The following MS4A1 variants were observed in gnomAD, a reference collection of about 807,000 sequenced individuals.
MS4A1 encodes membrane spanning 4-domains A1.
A neutral mutation model predicts 26.5 loss-of-function variants in MS4A1; 16 were observed. That is an observed-to-expected ratio of 0.60 (90% CI 0.41 to 0.92). The LOEUF is 0.92. MS4A1 is among the 40% of genes least tolerant of loss of function. MS4A1 has a pLI of 0.00. For synonymous variants in MS4A1, 128 were observed against 117.6 expected, an observed-to-expected ratio of 1.09 and a Z score of -0.57; for missense variants, 350 against 353.0, an observed-to-expected ratio of 0.99 and a Z score of 0.07.
intron 2 of MS4A1, 43 bp from the exon 3 acceptor site, chr11:60,462,142 C>A: frequency 1.6e-6 from 1 of 632,994 alleles, no homozygotes; most frequent in Non-Finnish European, 2.9e-6. Context: ...GACTCCTGGG[C>A]CCACATGCTC....
In MS4A1 at chr11:60,462,205, C is replaced by G; in HGVS notation, c.-170C>G. 1.3e-6 allele frequency: 1 copy of G among 767,214 alleles called. No homozygotes were observed. The highest frequency in any genetic ancestry group is 2.2e-6 in the Non-Finnish European group (1 of 447,270). The allele number at this position is 767,214 out of a possible 1,614,324, so 47.5% of individuals were successfully genotyped here. On this transcript the variant is annotated 5_prime_UTR_variant, in exon 3 of 8. Transcript: ENST00000345732. ...CTCAGAACTCAGCAGTAGGCCTTGCCTCAGATCCAAGGTCACTCGGAAGAG... is the reference window on the plus strand; with the variant it reads ...CTCAGAACTCAGCAGTAGGCCTTGCGTCAGATCCAAGGTCACTCGGAAGAG...
chr11:60,467,126 T>C lies in MS4A1; in HGVS notation c.675+66T>C. ...ATCCACATCCACAAAGGATCATTTA[T>C]GGAGAATGTAATCTGATGAGTTGTT... On this transcript the variant is annotated intron_variant, in intron 7 of 7. Transcript: ENST00000345732. 3.0e-6 allele frequency: 4 copies of C among 1,317,604 alleles called. No individual in the cohort carries two copies. The South Asian group carries it at 4.7e-5, about 16-fold the overall frequency. The allele number at this position is 1,317,604 out of a possible 1,614,324, so 81.6% of individuals were successfully genotyped here. A position where few individuals can be genotyped will look rare whatever the true frequency, so the allele number is the denominator to read the frequency against.
intron 6 of MS4A1, among the ~76,000 whole-genome samples, 199 bp downstream of exon 6, chr11:60,466,356 T>C (rs1359561101): frequency 6.6e-6 from 1 of 152,196 alleles, no homozygotes; most frequent in African/African-American, 2.4e-5. Flanking sequence ...ATTTATCTAA[T>C]AGGGTTGTTC....
intron 2 of MS4A1, among the ~76,000 whole-genome samples, chr11:60,461,923 C>A (rs781021104): frequency 2.0e-5 from 3 of 152,162 alleles, no homozygotes; most frequent in Admixed American, 1.3e-4. Flanking sequence ...TTACCATACT[C>A]TGCAATGTTG....
At position 60,468,823 on chromosome 11, in the gene MS4A1, G is replaced by T; in HGVS notation, c.*355G>T. 1.2e-5 allele frequency: 3 copies of T among 247,334 alleles called. No homozygotes were observed. Among genetic ancestry groups the T allele is most frequent in the Non-Finnish European group, 1.6e-5 (2 of 127,776 alleles). The allele number at this position is 247,334 out of a possible 1,614,324, so 15.3% of individuals were successfully genotyped here. The stretch of plus-strand genomic sequence containing the variant: ...AACAACCAGGGAGACTGCACCTGAT[G>T]GAAAAGATATATGACTGCTTCATGA... On this transcript the variant is annotated 3_prime_UTR_variant, in exon 8 of 8. Coordinates refer to ENST00000345732, the MANE Select transcript of MS4A1 (RefSeq NM_152866.3).
chr11:60,465,108 C>G (rs1043926870), intron 5 of MS4A1, among the ~76,000 whole-genome samples: 3 of 152,194 alleles, frequency 2.0e-5, no homozygotes, highest in African/African-American at 7.2e-5. Flanking sequence ...TTATGAACAT[C>G]AAATTATTCT....
intron 7 of MS4A1, among the ~76,000 whole-genome samples, chr11:60,467,866 C>T (rs994995720): frequency 7.9e-5 from 12 of 152,148 alleles, no homozygotes; most frequent in African/African-American, 2.4e-4. Flanking sequence ...TAGAAATCAT[C>T]GCTAATTACT....
At position 60,468,359 on chromosome 11, in the gene MS4A1, T is replaced by A. The variant is rs2086312971; in HGVS notation, c.785T>A (p.Ile262Asn). 1 of 1,613,886 alleles carries A rather than the reference T, an allele frequency of 6.2e-7. No homozygotes were observed. The highest frequency in any genetic ancestry group is 8.5e-7 in the Non-Finnish European group (1 of 1,179,982). ...TSSQPKNEED[I>N]EIIPIQEEEE... ...TCCCAACCAAAGAATGAAGAAGACATTGAAATTATTCCAATCCAAGAAGAG... is the reference window on the plus strand; with the variant it reads ...TCCCAACCAAAGAATGAAGAAGACAATGAAATTATTCCAATCCAAGAAGAG... The change falls in exon 8 of 8, where the codon ATT becomes AAT. Residue 262 changes from isoleucine to asparagine, a missense_variant. Transcript: ENST00000345732.
rs924840805 is a variant in MS4A1 at position 60,468,560 on chromosome 11, C to A, written c.*92C>A. On this transcript the variant is annotated 3_prime_UTR_variant, in exon 8 of 8. Coordinates refer to ENST00000345732, the MANE Select transcript of MS4A1 (RefSeq NM_152866.3). Reference sequence around the variant, plus strand: ...GACTTTCATTTCTTGAGGTACTCTGCACATACGCACCACATCTCTATCTGG... The same window carrying A: ...GACTTTCATTTCTTGAGGTACTCTGAACATACGCACCACATCTCTATCTGG... 6 of 1,128,340 alleles carry A rather than the reference C, an allele frequency of 5.3e-6. No individual in the cohort carries two copies. Among genetic ancestry groups the A allele is most frequent in the South Asian group, 3.9e-5 (3 of 76,244 alleles). 69.9% of individuals were successfully genotyped at this position (1,128,340 alleles called of 1,614,324 possible). A position where few individuals can be genotyped will look rare whatever the true frequency, so the allele number is the denominator to read the frequency against.
chr11:60,457,547 G>T (rs1233396909), intron 1 of MS4A1, among the ~76,000 whole-genome samples: 1 of 152,182 alleles, frequency 6.6e-6, no homozygotes, highest in Non-Finnish European at 1.5e-5. Flanking sequence ...CATGCAAAAT[G>T]TATTGCAGAG....
At chr11:60,466,780 A>C in intron 6 of MS4A1, 179 bp from the exon 7 acceptor site, 1 of 660,090 alleles carries the variant, frequency 1.5e-6, no homozygotes, top group Non-Finnish European at 2.7e-6. Context: ...AGTTGTGTTA[A>C]GAGTTAGGGT....
chr11:60,462,114 G>A (rs966512689), intron 2 of MS4A1, 71 bp from the exon 3 acceptor site: 8 of 577,100 alleles, frequency 1.4e-5, no homozygotes, highest in Admixed American at 2.3e-5. Flanking sequence ...AAACCCAGTT[G>A]TCAAGATCAC....
Position 60,469,465 on chromosome 11 carries a change from A to G in MS4A1, c.*997A>G, listed in dbSNP as rs146041500. On this transcript the variant is annotated 3_prime_UTR_variant, in exon 8 of 8. Transcript: ENST00000345732. The stretch of plus-strand genomic sequence containing the variant: ...AATCCTGTGATGTTTGAAATAACCA[A>G]ATTGTCTCTCCAATGTCTGCATAAA... 7.9e-4 allele frequency: 121 copies of G among 152,262 alleles called. No homozygotes were observed. The highest frequency in any genetic ancestry group is 2.7e-3 in the African/African-American group (113 of 41,566). 9.4% of individuals were successfully genotyped at this position (152,262 alleles called of 1,614,324 possible). A position where few individuals can be genotyped will look rare whatever the true frequency, so the allele number is the denominator to read the frequency against.
chr11:60,465,142 C>A (rs1590846392), intron 5 of MS4A1, among the ~76,000 whole-genome samples: 1 of 152,248 alleles, frequency 6.6e-6, no homozygotes. Context: ...GATTTACTGA[C>A]TTGCCATGTG....
Position 60,466,058 on chromosome 11 carries a change from C to T in MS4A1, c.474C>T (p.His158=). The change falls in exon 6 of 8, where the codon CAC becomes CAT. Residue 158 remains histidine, a synonymous_variant. Coordinates refer to ENST00000345732, the MANE Select transcript of MS4A1 (RefSeq NM_152866.3). ...KMESLNFIRA[H]TPYINIYNCE... ...AGAGTCTGAATTTTATTAGAGCTCACACACCATATATTAACATATACAACT... is the reference window on the plus strand; with the variant it reads ...AGAGTCTGAATTTTATTAGAGCTCATACACCATATATTAACATATACAACT... 6.2e-7 allele frequency: 1 copy of T among 1,613,964 alleles called. No individual in the cohort carries two copies. The highest frequency in any genetic ancestry group is 8.5e-7 in the Non-Finnish European group (1 of 1,179,848).
chr11:60,461,778 C>A (rs2086250174), intron 2 of MS4A1, among the ~76,000 whole-genome samples: 1 of 151,612 alleles, frequency 6.6e-6, no homozygotes. Context: ...TCTTGGCCTC[C>A]CAAAGTGCTT....
rs905641444 is a variant in MS4A1 at position 60,466,079 on chromosome 11, C to A, written c.495C>A (p.Tyr165Ter). 1 of 1,613,970 alleles carries A rather than the reference C, an allele frequency of 6.2e-7. No homozygotes were observed. The highest frequency in any genetic ancestry group is 8.5e-7 in the Non-Finnish European group (1 of 1,179,862). Residue 165 changes from tyrosine (Y) to a stop codon, truncating the protein, a stop_gained, in exon 6 of 8, where the codon TAC becomes TAA. Coordinates refer to ENST00000345732, the MANE Select transcript of MS4A1 (RefSeq NM_152866.3). LOFTEE classifies it high-confidence loss of function. ...IRAHTPYINI[Y>*]NCEPANPSEK... ...CTCACACACCATATATTAACATATA[C>A]AACTGTGAACCAGCTAATCCCTCTG...
Position 60,464,319 on chromosome 11 carries a change from C to T in MS4A1, c.311C>T (p.Thr104Met), listed in dbSNP as rs201665706. 1.3e-4 allele frequency: 210 copies of T among 1,612,706 alleles called. No individual in the cohort carries two copies. The highest frequency in any genetic ancestry group is 8.2e-4 in the South Asian group (75 of 91,024). Residue 104 changes from threonine to methionine, a missense_variant, in exon 5 of 8, where the codon ACG becomes ATG. By Grantham distance (81) the Thr-to-Met change is moderately conservative. Transcript: ENST00000345732. ...YIISGSLLAA[T>M]EKNSRKCLVK... The stretch of plus-strand genomic sequence containing the variant: ...ATTTCCGGATCACTCCTGGCAGCAA[C>T]GGAGAAAAACTCCAGGAAGTGTTTG...
intron 7 of MS4A1, among the ~76,000 whole-genome samples, chr11:60,467,763 C>T (rs1460694135): frequency 1.3e-5 from 2 of 152,044 alleles, no homozygotes; most frequent in African/African-American, 2.4e-5. Context: ...TCCAAAACAA[C>T]AGGTTAAAGG....
Sources: allele counts gnomAD v4.1 joint callset (sites outside exome capture counted in the v4.1 genomes callset), GRCh38; gene constraint gnomAD v4.1.1; transcripts MANE v1.5; gene names NCBI Gene and HGNC (gene_info 2026-07-23, HGNC 2026-07-21).